CHSY3: variants seen among roughly 807,000 people sequenced by gnomAD.
The protein encoded by CHSY3 is N-acetylgalactosaminyl-proteoglycan 3-beta-glucuronosyltransferase 3.
Under a neutral mutation model 67.2 loss-of-function variants are expected in CHSY3, and 35 were observed. The observed-to-expected ratio is 0.52, with a 90% CI of 0.40 to 0.69. CHSY3 has a LOEUF of 0.69. Among genes scored for constraint, CHSY3 ranks in the 30% least tolerant of loss-of-function variants. The pLI is 0.00. For synonymous variants in CHSY3, 474 were observed against 434.7 expected (o/e 1.09, Z -1.12); for missense variants, 1,069 against 1,138.5 (o/e 0.94, Z 0.88).
chr5:130,133,970 C>A (rs1002019179), intron 2 of CHSY3, among the ~76,000 whole-genome samples: 1 of 152,000 alleles, frequency 6.6e-6, no homozygotes, highest in Non-Finnish European at 1.5e-5. Flanking sequence ...ATTCTAACAA[C>A]AGTTATTAAG....
At position 129,955,365 on chromosome 5, in the gene CHSY3, A is replaced by C. The variant is rs1762141547; in HGVS notation, c.1086+47005A>C. Among the ~76,000 whole-genome samples the C allele has an allele frequency of 2.0e-5, 3 of 151,934 alleles. No homozygotes were observed. The South Asian group carries it at 6.2e-4, about 32-fold the overall frequency. On this transcript the variant is annotated intron_variant, in intron 2 of 2. Coordinates refer to ENST00000305031, the MANE Select transcript of CHSY3 (RefSeq NM_175856.5). ...GCAGAACTCTCACCAAGTGATCTGCATTTATTCTTTCCTGGTTATCATTGA... is the reference window on the plus strand; with the variant it reads ...GCAGAACTCTCACCAAGTGATCTGCCTTTATTCTTTCCTGGTTATCATTGA...
At chr5:129,930,668 A>C (rs1237883299) in intron 2 of CHSY3, among the ~76,000 whole-genome samples, 3 of 152,068 alleles carry the variant, frequency 2.0e-5, no homozygotes, top group Non-Finnish European at 4.4e-5. Context: ...TCACAGAACC[A>C]AAAGAGGAAA....
At chr5:130,156,590 G>A (rs900650322) in intron 2 of CHSY3, among the ~76,000 whole-genome samples, 5 of 152,178 alleles carry the variant, frequency 3.3e-5, no homozygotes, top group African/African-American at 1.2e-4. Context: ...ACCAGCCTGG[G>A]AGTTCAAACA....
At chr5:130,055,113 G>T (rs969660874) in intron 2 of CHSY3, among the ~76,000 whole-genome samples, 1 of 151,986 alleles carries the variant, frequency 6.6e-6, no homozygotes, top group Non-Finnish European at 1.5e-5. Context: ...ATACGTATAG[G>T]GATTTTTGAT....
chr5:130,110,390 T>A (rs1767554108), intron 2 of CHSY3, among the ~76,000 whole-genome samples: 1 of 152,022 alleles, frequency 6.6e-6, no homozygotes, highest in Admixed American at 6.6e-5. Context: ...TTTACTGTCA[T>A]GTTCATAATA....
intron 2 of CHSY3, among the ~76,000 whole-genome samples, chr5:129,981,693 A>G (rs1762989496): frequency 6.6e-6 from 1 of 151,852 alleles, no homozygotes; most frequent in Non-Finnish European, 1.5e-5. Context: ...AAATCTGTAT[A>G]CTTTTTATTT....
rs1232566512 is a variant in CHSY3, at chr5:130,141,958, C to T, written c.1087-42271C>T. Reference sequence around the variant, plus strand: ...ATTGAAGAGGCTGACTAAGTCAGCTCAAGTATAGATGTAGCATTGTTCCAC... The same window carrying T: ...ATTGAAGAGGCTGACTAAGTCAGCTTAAGTATAGATGTAGCATTGTTCCAC... On this transcript the variant is annotated intron_variant, in intron 2 of 2. Coordinates refer to ENST00000305031, the MANE Select transcript of CHSY3 (RefSeq NM_175856.5). 3 of 213,972 alleles carry T rather than the reference C, an allele frequency of 1.4e-5. No homozygotes were observed. In the South Asian group the frequency reaches 2.1e-4, roughly 15 times the overall value. 13.3% of individuals were successfully genotyped at this position (213,972 alleles called of 1,614,324 possible).
chr5:129,937,466 C>A (rs1422811467), intron 2 of CHSY3, among the ~76,000 whole-genome samples: 1 of 152,090 alleles, frequency 6.6e-6, no homozygotes, highest in African/African-American at 2.4e-5. Context: ...CAGAGCCAAA[C>A]CATATTATTC....
chr5:130,038,454 T>C (rs1029676698), intron 2 of CHSY3, among the ~76,000 whole-genome samples: 1 of 152,142 alleles, frequency 6.6e-6, no homozygotes, highest in African/African-American at 2.4e-5. Context: ...TGATAAACTT[T>C]CTCTTACATG....
chr5:130,175,877 A>G (rs145287119), intron 2 of CHSY3, among the ~76,000 whole-genome samples: 6,833 of 152,238 alleles, frequency 0.045, 520 homozygotes, highest in African/African-American at 0.15. Context: ...ATTTAAATGT[A>G]AGACCTAAAA....
At chr5:130,103,020 G>A (rs1183297005) in intron 2 of CHSY3, among the ~76,000 whole-genome samples, 3 of 151,848 alleles carry the variant, frequency 2.0e-5, no homozygotes, top group African/African-American at 7.3e-5. Flanking sequence ...CACATGCCCA[G>A]CTAAAAAGAA....
At chr5:130,113,613 T>C (rs780827820) in intron 2 of CHSY3, among the ~76,000 whole-genome samples, 12 of 152,172 alleles carry the variant, frequency 7.9e-5, no homozygotes, top group Non-Finnish European at 1.3e-4. Context: ...TCCACTCCTA[T>C]TGCATGATTC....
At chr5:130,122,264 G>A (rs62393178) in intron 2 of CHSY3, among the ~76,000 whole-genome samples, 3 of 151,986 alleles carry the variant, frequency 2.0e-5, no homozygotes, top group African/African-American at 7.3e-5. Flanking sequence ...TTGTTTTCCT[G>A]TCTTTATATA....
chr5:130,101,799 A>C (rs1033022472), intron 2 of CHSY3, among the ~76,000 whole-genome samples: 1 of 152,168 alleles, frequency 6.6e-6, no homozygotes, highest in Non-Finnish European at 1.5e-5. Context: ...AATTTCTTTC[A>C]ATACTTCGAT....
intron 2 of CHSY3, among the ~76,000 whole-genome samples, chr5:130,001,105 C>G (rs1002225375): frequency 1.3e-5 from 2 of 151,872 alleles, no homozygotes; most frequent in African/African-American, 4.8e-5. Context: ...TGGTCTTTAT[C>G]TCTTGACCTC....
At chr5:130,009,658 A>G (rs1580644682) in intron 2 of CHSY3, among the ~76,000 whole-genome samples, 1 of 152,220 alleles carries the variant, frequency 6.6e-6, no homozygotes. Flanking sequence ...CCTTGAATGT[A>G]CATGGGCTGA....
intron 2 of CHSY3, among the ~76,000 whole-genome samples, chr5:130,060,540 A>G (rs1245288528): frequency 6.6e-6 from 1 of 152,136 alleles, no homozygotes; most frequent in Non-Finnish European, 1.5e-5. Flanking sequence ...TTCATTCAAC[A>G]TAGGACTGGA....
At chr5:130,171,757 A>G (rs185264099) in intron 2 of CHSY3, among the ~76,000 whole-genome samples, 16 of 152,338 alleles carry the variant, frequency 1.1e-4, no homozygotes, top group Admixed American at 9.8e-4. Flanking sequence ...TCAGATTGTT[A>G]CTTGGATTTC....
intron 2 of CHSY3, among the ~76,000 whole-genome samples, chr5:130,044,646 A>G (rs982385886): frequency 6.6e-6 from 1 of 152,142 alleles, no homozygotes; most frequent in Non-Finnish European, 1.5e-5. Flanking sequence ...GTCAATGAAA[A>G]GGATAGAGGA....
Sources: allele counts gnomAD v4.1 joint callset (sites outside exome capture counted in the v4.1 genomes callset), GRCh38; gene constraint gnomAD v4.1.1; transcripts MANE v1.5; gene names NCBI Gene and HGNC (gene_info 2026-07-23, HGNC 2026-07-21).